GALNT17: variants seen among roughly 807,000 people sequenced by gnomAD.
GALNT17 encodes the protein polypeptide N-acetylgalactosaminyltransferase 17, also known as UDP-GalNAc:polypeptide N-acetylgalactosaminyltransferase-like 3.
In GALNT17, 29 loss-of-function variants were observed where a neutral mutation model predicts 63.7. That is an observed-to-expected ratio of 0.46 (90% confidence interval 0.34 to 0.62). The LOEUF (loss-of-function observed/expected upper bound fraction) is 0.62, where lower values mean the gene tolerates loss of function less well. GALNT17 is among the 20% of genes least tolerant of loss of function. The pLI, the probability that GALNT17 is intolerant of heterozygous loss-of-function variation, is 0.01. For synonymous variants in GALNT17, 305 were observed against 318.3 expected (o/e 0.96, Z 0.45); for missense variants, 603 against 799.6 (o/e 0.75, Z 2.97).
At chr7:71,292,798 C>A (rs1791007405) in intron 1 of GALNT17, among the ~76,000 whole-genome samples, 1 of 151,402 alleles carries the variant, frequency 6.6e-6, no homozygotes, top group Non-Finnish European at 1.5e-5. Context: ...TACATTAGAT[C>A]TTCAGAAATT....
chr7:71,705,358 A>G (rs1283745715), intron 9 of GALNT17, among the ~76,000 whole-genome samples: 2 of 152,188 alleles, frequency 1.3e-5, no homozygotes, highest in Non-Finnish European at 2.9e-5. Context: ...AAAAGCAGAC[A>G]ATAACATGAG....
intron 1 of GALNT17, among the ~76,000 whole-genome samples, chr7:71,282,051 G>A (rs1042548795): frequency 3.9e-5 from 6 of 152,090 alleles, no homozygotes; most frequent in African/African-American, 7.2e-5. Context: ...CAATGACAAC[G>A]CCACCCCCTT....
chr7:71,635,428 G>C (rs1252123755), intron 6 of GALNT17, among the ~76,000 whole-genome samples: 1 of 152,162 alleles, frequency 6.6e-6, no homozygotes, highest in African/African-American at 2.4e-5. Context: ...AGTCTCTCGG[G>C]TTAAATTTTA....
At chr7:71,428,771 C>T (rs543191326) in intron 5 of GALNT17, among the ~76,000 whole-genome samples, 1 of 152,306 alleles carries the variant, frequency 6.6e-6, no homozygotes, top group African/African-American at 2.4e-5. Flanking sequence ...AGTCCACATT[C>T]CTTCTGCAGG....
intron 1 of GALNT17, among the ~76,000 whole-genome samples, chr7:71,302,379 A>G (rs1248923371): frequency 6.6e-6 from 1 of 152,228 alleles, no homozygotes; most frequent in Non-Finnish European, 1.5e-5. Flanking sequence ...AAATTAGGTA[A>G]CAGAGTCTCA....
intron 5 of GALNT17, among the ~76,000 whole-genome samples, chr7:71,430,266 G>T (rs1475738147): frequency 6.6e-6 from 1 of 152,316 alleles, no homozygotes; most frequent in Non-Finnish European, 1.5e-5. Flanking sequence ...TGTAAGATAA[G>T]AATGAAGGAT....
At chr7:71,444,864 A>G (rs1019682706) in intron 5 of GALNT17, among the ~76,000 whole-genome samples, 1 of 152,192 alleles carries the variant, frequency 6.6e-6, no homozygotes, top group Non-Finnish European at 1.5e-5. Context: ...TTACCTGAAA[A>G]AAACTGGAGT....
intron 2 of GALNT17, among the ~76,000 whole-genome samples, chr7:71,349,941 G>C (rs759429370): frequency 5.9e-5 from 9 of 152,194 alleles, no homozygotes; most frequent in Non-Finnish European, 1.0e-4. Flanking sequence ...GTTGCGCTTA[G>C]GCAATATTAG....
intron 5 of GALNT17, among the ~76,000 whole-genome samples, chr7:71,422,558 T>C (rs995736581): frequency 5.3e-5 from 8 of 152,234 alleles, no homozygotes; most frequent in Non-Finnish European, 1.2e-4. Flanking sequence ...GCTTCTTCAG[T>C]GCCCCACTGC....
At chr7:71,595,422 ACT>A (rs1789870696) in intron 6 of GALNT17, among the ~76,000 whole-genome samples, 1 of 149,164 alleles carries the variant, frequency 6.7e-6, no homozygotes, top group Admixed American at 6.7e-5. Flanking sequence ...ACAGAGGGAG[ACT>A]CTGTCTCAAA....
At chr7:71,584,140 C>G (rs558928503) in intron 6 of GALNT17, among the ~76,000 whole-genome samples, 2 of 151,848 alleles carry the variant, frequency 1.3e-5, no homozygotes, top group Admixed American at 6.6e-5. Flanking sequence ...TCAAAACAAA[C>G]AAACAAAAAA....
At chr7:71,180,115 A>G (rs914291974) in intron 1 of GALNT17, among the ~76,000 whole-genome samples, 2 of 152,098 alleles carry the variant, frequency 1.3e-5, no homozygotes, top group Middle Eastern at 3.4e-3. Context: ...CAAGACAACA[A>G]TGAGTATTTT....
At chr7:71,389,926 G>A (rs1563057725) in intron 3 of GALNT17, among the ~76,000 whole-genome samples, 2 of 152,220 alleles carry the variant, frequency 1.3e-5, no homozygotes, top group East Asian at 3.9e-4. Context: ...CAAAACTCCT[G>A]GGAGATCCTT....
intron 2 of GALNT17, among the ~76,000 whole-genome samples, chr7:71,339,001 C>G (rs1007769502): frequency 6.6e-6 from 1 of 152,202 alleles, no homozygotes; most frequent in Non-Finnish European, 1.5e-5. Context: ...GACTTTTGCT[C>G]TCCAAAACAT....
intron 5 of GALNT17, among the ~76,000 whole-genome samples, chr7:71,506,614 A>T (rs1437007435): frequency 6.6e-6 from 1 of 152,184 alleles, no homozygotes; most frequent in Admixed American, 6.5e-5. Context: ...TAATTAACAA[A>T]TAATAATTGT....
chr7:71,197,017 G>C (rs1789063338), intron 1 of GALNT17, among the ~76,000 whole-genome samples: 1 of 151,866 alleles, frequency 6.6e-6, no homozygotes, highest in South Asian at 2.1e-4. Flanking sequence ...TATGTTTATA[G>C]AGTACATGAG....
At chr7:71,557,496 T>A (rs565445167) in intron 5 of GALNT17, among the ~76,000 whole-genome samples, 6 of 152,160 alleles carry the variant, frequency 3.9e-5, no homozygotes, top group African/African-American at 1.4e-4. Context: ...ATTCATTCTT[T>A]CAAAGTTACC....
chr7:71,638,978 GTAAAAAA>G (rs1021001304), intron 6 of GALNT17, among the ~76,000 whole-genome samples: 2 of 151,960 alleles, frequency 1.3e-5, no homozygotes, highest in Non-Finnish European at 2.9e-5. Context: ...TGGTTAATGG[GTAAAAAA>G]TAAAAAATAA....
chr7:71,555,841 T>G (rs914819403), intron 5 of GALNT17, among the ~76,000 whole-genome samples: 2 of 152,236 alleles, frequency 1.3e-5, no homozygotes, highest in African/African-American at 4.8e-5. Context: ...AAAGGGAGGC[T>G]TTTGGAATTT....
Sources: gnomAD v4.1 joint callset for allele counts (sites outside exome capture counted in the v4.1 genomes callset) on GRCh38, gnomAD v4.1.1 for gene constraint, MANE v1.5 for transcripts, NCBI Gene and HGNC (gene_info 2026-07-23, HGNC 2026-07-21) for gene names.